The following PRKRIP1 variants were observed in gnomAD, a reference collection of about 807,000 sequenced individuals.
The protein encoded by PRKRIP1 is PRKR interacting protein 1.
A neutral mutation model predicts 29.3 loss-of-function variants in PRKRIP1; 29 were observed. The observed-to-expected ratio is 0.99, with a 90% CI of 0.74 to 1.35. The LOEUF (loss-of-function observed/expected upper bound fraction) is 1.35. Ranked by LOEUF, PRKRIP1 falls within the 40% of genes most tolerant of loss-of-function variation. The probability of loss-of-function intolerance (pLI) is 0.00; values close to 1 mark genes in which losing one functional copy is unlikely to be tolerated. For missense variants in PRKRIP1, 247 were observed against 236.8 expected (o/e 1.04, Z -0.28); for synonymous variants, 90 against 85.1 (o/e 1.06, Z -0.32).
At chr7:102,411,190 A>G (rs7787493) in intron 5 of PRKRIP1, among the ~76,000 whole-genome samples, 138,784 of 152,214 alleles carry the variant, frequency 0.91, 63,391 homozygotes, top group East Asian at 1. Flanking sequence ...CAGCCTCCCA[A>G]GTAGCTGAGA....
Position 102,425,155 on chromosome 7 carries a change from G to T in PRKRIP1, c.*44G>T. ...CTGCCTGGAACCTGGCTCGTGCTGT[G>T]ACCAGAAGGGAAAGGCGGCTGTTTG... On this transcript the variant is annotated 3_prime_UTR_variant, in exon 6 of 6. Coordinates refer to ENST00000397912, the MANE Select transcript of PRKRIP1 (RefSeq NM_024653.4). 1 of 1,584,438 alleles carries T rather than the reference G, an allele frequency of 6.3e-7. No homozygotes were observed. The highest frequency in any genetic ancestry group is 1.1e-5 in the South Asian group (1 of 88,406).
chr7:102,398,739 A>G (rs1554570808), intron 2 of PRKRIP1, among the ~76,000 whole-genome samples: 2 of 152,222 alleles, frequency 1.3e-5, no homozygotes, highest in African/African-American at 4.8e-5. Flanking sequence ...GAATGTCGCA[A>G]TAAAGGGAAT....
Position 102,397,584 on chromosome 7 carries a change from T to G in PRKRIP1, c.127-36T>G, listed in dbSNP as rs782094604. On this transcript the variant is annotated intron_variant, in intron 1 of 5. Coordinates refer to ENST00000397912, the MANE Select transcript of PRKRIP1 (RefSeq NM_024653.4). ...GGAGATATATAATTTTGTCAACAGG[T>G]TTATACTTAAATGCTTTCATGTTTA... 3.2e-6 allele frequency: 5 copies of G among 1,562,326 alleles called. No individual in the cohort carries two copies. In the Admixed American group the frequency reaches 8.4e-5, roughly 26 times the overall value.
chr7:102,407,956 A>G (rs556861274), intron 5 of PRKRIP1, among the ~76,000 whole-genome samples: 83 of 152,178 alleles, frequency 5.5e-4, no homozygotes, highest in Non-Finnish European at 1.0e-3. Flanking sequence ...GTCACTTGCC[A>G]GGTCAGGTAA....
intron 5 of PRKRIP1, 78 bp downstream of exon 5, chr7:102,407,576 G>A: frequency 1.8e-6 from 2 of 1,088,748 alleles, no homozygotes. Context: ...AGGAAACACA[G>A]GGACGGAGAG....
At chr7:102,414,966 T>C (rs1039410670) in intron 5 of PRKRIP1, among the ~76,000 whole-genome samples, 10 of 152,160 alleles carry the variant, frequency 6.6e-5, no homozygotes, top group Admixed American at 1.3e-4. Flanking sequence ...AAAGAACTCC[T>C]GGCTCTGGAA....
At chr7:102,400,507 TTGTG>T (rs1796036704) in intron 3 of PRKRIP1, among the ~76,000 whole-genome samples, 2 of 152,072 alleles carry the variant, frequency 1.3e-5, no homozygotes, top group African/African-American at 4.8e-5. Context: ...TACAATTAGT[TTGTG>T]TGAGAAAAAA....
At chr7:102,413,598 T>C (rs1225977544) in intron 5 of PRKRIP1, among the ~76,000 whole-genome samples, 1 of 152,202 alleles carries the variant, frequency 6.6e-6, no homozygotes, top group East Asian at 1.9e-4. Context: ...CCTGTCTGTA[T>C]TTTGTAAATA....
intron 5 of PRKRIP1, among the ~76,000 whole-genome samples, chr7:102,421,522 G>A (rs1796693031): frequency 6.6e-6 from 1 of 152,054 alleles, no homozygotes; most frequent in South Asian, 2.1e-4. Flanking sequence ...AAAAAGGCCG[G>A]GTGTGGTGGT....
In PRKRIP1 at chr7:102,396,380, C is replaced by T; in HGVS notation, c.-32C>T. On this transcript the variant is annotated 5_prime_UTR_variant, in exon 1 of 6. Coordinates refer to ENST00000397912, the MANE Select transcript of PRKRIP1 (RefSeq NM_024653.4). ...GTGTCGTCATACTTGCGCGCCGACG[C>T]CGCCGCTCGCTTGTGAAACTGGAAG... 1.3e-6 allele frequency: 2 copies of T among 1,502,752 alleles called. No individual in the cohort carries two copies. The highest frequency in any genetic ancestry group is 1.2e-5 in the South Asian group (1 of 81,048). The allele number at this position is 1,502,752 out of a possible 1,614,324, so 93.1% of individuals were successfully genotyped here.
chr7:102,416,201 T>A (rs1381580850), intron 5 of PRKRIP1, among the ~76,000 whole-genome samples: 4 of 152,226 alleles, frequency 2.6e-5, no homozygotes, highest in African/African-American at 9.6e-5. Flanking sequence ...CTATGTCAGT[T>A]CCATCTTTTT....
intron 5 of PRKRIP1, among the ~76,000 whole-genome samples, chr7:102,410,016 G>T (rs1228684920): frequency 6.6e-6 from 1 of 152,184 alleles, no homozygotes; most frequent in Non-Finnish European, 1.5e-5. Context: ...GGTCAGCTTA[G>T]TTGGTCAGTG....
At chr7:102,403,332 G>A (rs138612723) in intron 3 of PRKRIP1, among the ~76,000 whole-genome samples, 10 of 152,344 alleles carry the variant, frequency 6.6e-5, no homozygotes, top group South Asian at 4.1e-4. Flanking sequence ...CTGTGCCACT[G>A]TAAGCAGATG....
intron 5 of PRKRIP1, among the ~76,000 whole-genome samples, chr7:102,413,848 G>A (rs1554572780): frequency 2.0e-5 from 3 of 152,070 alleles, no homozygotes; most frequent in African/African-American, 7.2e-5. Flanking sequence ...TGCAGTCAGT[G>A]GCATTTTACC....
intron 5 of PRKRIP1, among the ~76,000 whole-genome samples, chr7:102,419,856 TG>T (rs1796647426): frequency 1.6e-4 from 4 of 25,708 alleles, no homozygotes; most frequent in African/African-American, 2.8e-4. Context: ...TGTGTGTGTG[TG>T]TGTGTGTGTG....
Position 102,409,774 on chromosome 7 carries a change from T to C in PRKRIP1, c.457+2276T>C, listed in dbSNP as rs369494406. Among the ~76,000 whole-genome samples the C allele has an allele frequency of 2.0e-5, 3 of 151,760 alleles. No individual in the cohort carries two copies. The South Asian group carries it at 6.3e-4, about 32-fold the overall frequency. On this transcript the variant is annotated intron_variant, in intron 5 of 5. Coordinates refer to ENST00000397912, the MANE Select transcript of PRKRIP1 (RefSeq NM_024653.4). ...AGGAGGTCAAGGCTGCAGTGAGCCA[T>C]GATTGTGCCACTGCACTGCAGCCTG...
At position 102,419,479 on chromosome 7, in the gene PRKRIP1, G is replaced by A. The variant is rs190295161; in HGVS notation, c.458-5535G>A. Among the ~76,000 whole-genome samples the A allele has an allele frequency of 8.9e-4, 135 of 152,142 alleles. No individual in the cohort carries two copies. In the Middle Eastern group the frequency reaches 0.017, roughly 19 times the overall value. On this transcript the variant is annotated intron_variant, in intron 5 of 5. Coordinates refer to ENST00000397912, the MANE Select transcript of PRKRIP1 (RefSeq NM_024653.4). Reference sequence around the variant, plus strand: ...TAAGGTTCTGTGGATTTTGTCAAACGCATAGTACCATGTATCCACCACTGC... The same window carrying A: ...TAAGGTTCTGTGGATTTTGTCAAACACATAGTACCATGTATCCACCACTGC...
chr7:102,398,300 T>C (rs1444017289), intron 2 of PRKRIP1, among the ~76,000 whole-genome samples: 3 of 152,162 alleles, frequency 2.0e-5, no homozygotes, highest in African/African-American at 7.2e-5. Context: ...TGTTTTTCTT[T>C]TGGAGACAGA....
At chr7:102,402,461 G>T (rs1191497224) in intron 3 of PRKRIP1, among the ~76,000 whole-genome samples, 1 of 151,994 alleles carries the variant, frequency 6.6e-6, no homozygotes, top group Admixed American at 6.6e-5. Flanking sequence ...GGGGTGGGGG[G>T]TGGAGTGAGG....
Sources: gnomAD v4.1 joint callset for allele counts (sites outside exome capture counted in the v4.1 genomes callset) on GRCh38, gnomAD v4.1.1 for gene constraint, MANE v1.5 for transcripts, NCBI Gene and HGNC (gene_info 2026-07-23, HGNC 2026-07-21) for gene names.